The following IGFBP7 variants were observed in gnomAD, a reference collection of about 807,000 sequenced individuals.
IGFBP7 encodes the protein insulin like growth factor binding protein 7.
IGFBP7 carries 31 observed loss-of-function variants against 29.4 expected under a neutral mutation model. The observed-to-expected ratio is 1.05, with a 90% CI of 0.79 to 1.42. The LOEUF is 1.42. Ranked by LOEUF, IGFBP7 falls within the 40% of genes most tolerant of loss-of-function variation. The pLI is 0.00. For missense variants in IGFBP7, 393 were observed against 395.5 expected, an observed-to-expected ratio of 0.99 and a Z score of 0.05; for synonymous variants, 172 against 174.9, an observed-to-expected ratio of 0.98 and a Z score of 0.13.
chr4:57,082,805 A>T (rs781441143), intron 1 of IGFBP7, among the ~76,000 whole-genome samples: 2 of 152,074 alleles, frequency 1.3e-5, no homozygotes, highest in Non-Finnish European at 2.9e-5. Flanking sequence ...AGCTGCTTTA[A>T]ATTTTTTTTA....
At chr4:57,090,641 A>C (rs1345482702) in intron 1 of IGFBP7, among the ~76,000 whole-genome samples, 3 of 152,118 alleles carry the variant, frequency 2.0e-5, no homozygotes, top group African/African-American at 7.2e-5. Context: ...GTTAGAGACC[A>C]GCCTGGCCTA....
chr4:57,041,557 A>G (rs549843734), intron 1 of IGFBP7, among the ~76,000 whole-genome samples: 6 of 152,170 alleles, frequency 3.9e-5, no homozygotes, highest in Non-Finnish European at 7.4e-5. Flanking sequence ...TTTTTTTGAT[A>G]CAGAATCTCA....
intron 1 of IGFBP7, among the ~76,000 whole-genome samples, chr4:57,053,307 G>A (rs546283379): frequency 5.9e-5 from 9 of 152,034 alleles, no homozygotes; most frequent in South Asian, 2.1e-4. Flanking sequence ...GTGAGCCACC[G>A]CACCTGGCCC....
At chr4:57,061,987 A>G (rs1307810950) in intron 1 of IGFBP7, among the ~76,000 whole-genome samples, 1 of 152,060 alleles carries the variant, frequency 6.6e-6, no homozygotes, top group Non-Finnish European at 1.5e-5. Flanking sequence ...TATAGCCATT[A>G]CTTCATTTTG....
Position 57,031,213 on chromosome 4 carries a change from A to G in IGFBP7, c.*104T>C, listed in dbSNP as rs967455641. On this transcript the variant is annotated 3_prime_UTR_variant, in exon 5 of 5. Transcript: ENST00000295666. ...CTGTGTAAAACCAGTGAATATAACT[A>G]AAGTGTTAGTGGATTGGATTAAAAG... is the stretch of plus-strand genomic sequence containing the variant. 23 of 960,348 alleles carry G rather than the reference A, an allele frequency of 2.4e-5. No individual in the cohort carries two copies. The highest frequency in any genetic ancestry group is 3.3e-5 in the African/African-American group (2 of 61,276). The allele number at this position is 960,348 out of a possible 1,614,324, so 59.5% of individuals were successfully genotyped here.
intron 1 of IGFBP7, chr4:57,109,628 G>A (rs775110501): frequency 2.4e-5 from 13 of 552,868 alleles, no homozygotes; most frequent in South Asian, 9.3e-5. Flanking sequence ...ATATACACCC[G>A]GCCCTCACTT....
At chr4:57,090,071 C>A (rs1725599243) in intron 1 of IGFBP7, among the ~76,000 whole-genome samples, 1 of 152,182 alleles carries the variant, frequency 6.6e-6, no homozygotes, top group African/African-American at 2.4e-5. Context: ...AGCAAATAAA[C>A]CCCATTTTGG....
intron 1 of IGFBP7, among the ~76,000 whole-genome samples, chr4:57,057,199 AG>A (rs1032099269): frequency 2.0e-5 from 3 of 152,182 alleles, no homozygotes; most frequent in Non-Finnish European, 2.9e-5. Context: ...TTGTAGAGAC[AG>A]GGTCTCCCTG....
intron 1 of IGFBP7, among the ~76,000 whole-genome samples, chr4:57,047,784 G>A (rs1047160518): frequency 1.3e-5 from 2 of 152,050 alleles, no homozygotes; most frequent in African/African-American, 4.8e-5. Flanking sequence ...ACTCAGGCTG[G>A]AGCACAGTGG....
intron 2 of IGFBP7, among the ~76,000 whole-genome samples, chr4:57,036,689 G>A (rs536826878): frequency 4.6e-5 from 7 of 152,166 alleles, no homozygotes; most frequent in African/African-American, 1.7e-4. Context: ...AAGACCACTC[G>A]CCAGGCTGTG....
At chr4:57,102,143 C>G (rs1725913719) in intron 1 of IGFBP7, among the ~76,000 whole-genome samples, 1 of 152,152 alleles carries the variant, frequency 6.6e-6, no homozygotes, top group African/African-American at 2.4e-5. Context: ...ATAATCTCAT[C>G]CACTGTAGGG....
chr4:57,101,079 A>T (rs1725885815), intron 1 of IGFBP7, among the ~76,000 whole-genome samples: 1 of 152,226 alleles, frequency 6.6e-6, no homozygotes, highest in Non-Finnish European at 1.5e-5. Flanking sequence ...CTTTACAGTT[A>T]TTTGGTGCAG....
chr4:57,073,758 A>C (rs1725122223), intron 1 of IGFBP7, among the ~76,000 whole-genome samples: 1 of 152,172 alleles, frequency 6.6e-6, no homozygotes, highest in Admixed American at 6.5e-5. Flanking sequence ...AAGCCAACCC[A>C]GATGCCAATT....
intron 1 of IGFBP7, among the ~76,000 whole-genome samples, chr4:57,063,995 A>G (rs1290381606): frequency 6.6e-6 from 1 of 152,244 alleles, no homozygotes; most frequent in Non-Finnish European, 1.5e-5. Context: ...TTGGAGGTTA[A>G]GTGGTCAGAT....
At chr4:57,067,450 A>G (rs929735651) in intron 1 of IGFBP7, among the ~76,000 whole-genome samples, 1 of 152,264 alleles carries the variant, frequency 6.6e-6, no homozygotes, top group Non-Finnish European at 1.5e-5. Flanking sequence ...CAGTCCCAGA[A>G]GGGCAAATAT....
chr4:57,073,880 A>G (rs1725127944), intron 1 of IGFBP7, among the ~76,000 whole-genome samples: 1 of 152,058 alleles, frequency 6.6e-6, no homozygotes, highest in African/African-American at 2.4e-5. Flanking sequence ...ATCGGGAGTG[A>G]TCATAATCTC....
At chr4:57,081,674 C>T (rs545985990) in intron 1 of IGFBP7, among the ~76,000 whole-genome samples, 2 of 152,002 alleles carry the variant, frequency 1.3e-5, no homozygotes, top group African/African-American at 4.8e-5. Context: ...CTTGAGCTTC[C>T]CCATGGTGGC....
At chr4:57,062,006 A>T (rs1724811602) in intron 1 of IGFBP7, among the ~76,000 whole-genome samples, 1 of 152,062 alleles carries the variant, frequency 6.6e-6, no homozygotes, top group African/African-American at 2.4e-5. Context: ...TGTTTTTCCT[A>T]GCAATCTTGT....
At chr4:57,058,589 A>G (rs1285296210) in intron 1 of IGFBP7, among the ~76,000 whole-genome samples, 1 of 152,200 alleles carries the variant, frequency 6.6e-6, no homozygotes, top group Non-Finnish European at 1.5e-5. Context: ...CCATATGAAA[A>G]AATTAACTCA....
Sources: gnomAD v4.1 joint callset for allele counts (sites outside exome capture counted in the v4.1 genomes callset) on GRCh38, gnomAD v4.1.1 for gene constraint, MANE v1.5 for transcripts, NCBI Gene and HGNC (gene_info 2026-07-23, HGNC 2026-07-21) for gene names.